ZNF735: variants seen among roughly 807,000 people sequenced by gnomAD.
ZNF735 encodes putative zinc finger protein 735.
Under a neutral mutation model 13.4 loss-of-function variants are expected in ZNF735, and 11 were observed. The observed-to-expected ratio is 0.82, with a 90% confidence interval of 0.52 to 1.36. ZNF735 has a LOEUF of 1.36. Ranked by LOEUF, ZNF735 falls within the 40% of genes most tolerant of loss-of-function variation. The probability of loss-of-function intolerance (pLI) is 0.00; values close to 1 mark genes in which losing one functional copy is unlikely to be tolerated. For missense variants in ZNF735, 500 were observed against 484.6 expected, an observed-to-expected ratio of 1.03 and a Z score of -0.30; for synonymous variants, 171 against 162.6, an observed-to-expected ratio of 1.05 and a Z score of -0.39.
chr7:64,212,800 A>C (rs139898858), intron 1 of ZNF735, among the ~76,000 whole-genome samples: 1 of 151,862 alleles, frequency 6.6e-6, no homozygotes, highest in Admixed American at 6.6e-5. Flanking sequence ...AGAAAAAAAA[A>C]AAAAGAAAAG....
chr7:64,215,678 T>C (rs1260938873), intron 3 of ZNF735, among the ~76,000 whole-genome samples: 4 of 152,154 alleles, frequency 2.6e-5, no homozygotes, highest in Non-Finnish European at 4.4e-5. Flanking sequence ...CCAAGTATTT[T>C]GTTTAAAATA....
intron 1 of ZNF735, among the ~76,000 whole-genome samples, chr7:64,212,019 A>C (rs1787366794): frequency 6.6e-6 from 1 of 152,076 alleles, no homozygotes; most frequent in Non-Finnish European, 1.5e-5. Flanking sequence ...GTCCTAATAA[A>C]GGTGATAACA....
intron 3 of ZNF735, among the ~76,000 whole-genome samples, chr7:64,215,725 AT>A (rs1296083895): frequency 1.3e-5 from 2 of 151,208 alleles, no homozygotes; most frequent in Non-Finnish European, 2.9e-5. Flanking sequence ...ATCCAACTTC[AT>A]TTTTTCAATG....
At chr7:64,219,350 A>G in exon 4 of ZNF735, 3 of 1,613,838 alleles carry the variant, frequency 1.9e-6, no homozygotes, top group Non-Finnish European at 2.5e-6. Context: ...CTTCAGCCAG[A>G]GCAGAGCATA....
chr7:64,215,065 C>CTTTTTTTTTTTTT (rs200637720), intron 3 of ZNF735, among the ~76,000 whole-genome samples: 1 of 140,868 alleles, frequency 7.1e-6, no homozygotes. Context: ...TTTCTTTTTT[C>CTTTTTTTTTTTTT]TTTTTTTTTT....
At chr7:64,210,308 T>C (rs1212040303) in intron 1 of ZNF735, among the ~76,000 whole-genome samples, 1 of 152,234 alleles carries the variant, frequency 6.6e-6, no homozygotes, top group Non-Finnish European at 1.5e-5. Context: ...CATTTCAGCA[T>C]GGTGATTGGT....
chr7:64,218,616 A>G (rs1203548425), intron 3 of ZNF735, among the ~76,000 whole-genome samples: 1 of 151,998 alleles, frequency 6.6e-6, no homozygotes, highest in African/African-American at 2.4e-5. Context: ...AAATTAATAT[A>G]TACATCTTTA....
At chr7:64,210,969 A>T (rs1214512502) in intron 1 of ZNF735, among the ~76,000 whole-genome samples, 1 of 152,188 alleles carries the variant, frequency 6.6e-6, no homozygotes, top group African/African-American at 2.4e-5. Context: ...ACTTTTTCTC[A>T]GGTGAGCATG....
Position 64,207,264 on chromosome 7 carries a change from T to C in ZNF735, c.39+23T>C. ...ATGGTGAGTGCTGGGTCTGTCATCG[T>C]GAGAGAGGGGTGGGAGGTGGTTGGA... On this transcript the variant is annotated intron_variant, in intron 1 of 3. Transcript: ENST00000429565. 3 of 1,614,090 alleles carry C rather than the reference T, an allele frequency of 1.9e-6. No individual in the cohort carries two copies. In the Admixed American group the frequency reaches 5.0e-5, roughly 27 times the overall value.
At chr7:64,212,260 G>A (rs1787369707) in intron 1 of ZNF735, among the ~76,000 whole-genome samples, 1 of 152,166 alleles carries the variant, frequency 6.6e-6, no homozygotes, top group African/African-American at 2.4e-5. Context: ...GGAAAACCCA[G>A]ACTGCCACTT....
intron 1 of ZNF735, 136 bp from the exon 2 acceptor site, chr7:64,212,956 C>A: frequency 1.1e-6 from 1 of 889,276 alleles, no homozygotes; most frequent in Admixed American, 2.9e-5. Context: ...AATTATCTTA[C>A]TGAGTAATTT....
chr7:64,212,601 T>C (rs1371349512), intron 1 of ZNF735, among the ~76,000 whole-genome samples: 1 of 152,052 alleles, frequency 6.6e-6, no homozygotes, highest in Admixed American at 6.6e-5. Context: ...AAGACCTGCC[T>C]GGCCAACATG....
intron 1 of ZNF735, among the ~76,000 whole-genome samples, chr7:64,207,537 TG>T (rs958282644): frequency 3.9e-5 from 6 of 152,148 alleles, no homozygotes; most frequent in Admixed American, 3.3e-4. Context: ...GTACAGGGAT[TG>T]GGAAAGTTAT....
intron 3 of ZNF735, among the ~76,000 whole-genome samples, chr7:64,214,662 G>A (rs193230628): frequency 3.0e-4 from 45 of 151,782 alleles, no homozygotes; most frequent in African/African-American, 8.0e-4. Flanking sequence ...GGTGGGTTAC[G>A]ATACTTGCTG....
intron 1 of ZNF735, among the ~76,000 whole-genome samples, chr7:64,212,630 T>C (rs1787374268): frequency 6.6e-6 from 1 of 151,888 alleles, no homozygotes; most frequent in Admixed American, 6.6e-5. Context: ...CCTTCTCTAC[T>C]AAAAATACAA....
chr7:64,217,389 A>G (rs1787435043), intron 3 of ZNF735, among the ~76,000 whole-genome samples: 1 of 152,154 alleles, frequency 6.6e-6, no homozygotes, highest in Admixed American at 6.6e-5. Flanking sequence ...AAAGTTTTCT[A>G]TAGCATTGTT....
At chr7:64,216,909 C>T (rs1476618912) in intron 3 of ZNF735, among the ~76,000 whole-genome samples, 1 of 152,152 alleles carries the variant, frequency 6.6e-6, no homozygotes. Context: ...CCTGGCTGAT[C>T]TTTTTAAATT....
chr7:64,213,336 T>C (rs1192482870), intron 2 of ZNF735, 118 bp downstream of exon 2: 2 of 1,053,854 alleles, frequency 1.9e-6, no homozygotes, highest in Non-Finnish European at 2.7e-6. Flanking sequence ...AAAGAAAATC[T>C]TGGGGATTCA....
At chr7:64,219,536 G>A (rs769142584) in exon 4 of ZNF735, 2 of 1,597,966 alleles carry the variant, frequency 1.3e-6, no homozygotes, top group African/African-American at 1.3e-5. Context: ...ACTCATAAAT[G>A]TGTCAAAGTC....
Sources: allele counts gnomAD v4.1 joint callset (sites outside exome capture counted in the v4.1 genomes callset), GRCh38; gene constraint gnomAD v4.1.1; transcripts MANE v1.5; gene names NCBI Gene and HGNC (gene_info 2026-07-23, HGNC 2026-07-21).